GRIK2: variants seen among roughly 807,000 people sequenced by gnomAD.
GRIK2 encodes the protein glutamate receptor ionotropic, kainate 2.
GRIK2 carries 32 observed loss-of-function variants against 100.3 expected under a neutral mutation model. The observed-to-expected ratio is 0.32, with a 90% CI of 0.24 to 0.43. GRIK2 has a LOEUF of 0.43. Ranked by LOEUF, GRIK2 falls within the 20% of genes least tolerant of loss-of-function variation. The pLI is 1.00. For synonymous variants in GRIK2, 417 were observed against 389.4 expected, an observed-to-expected ratio of 1.07 and a Z score of -0.83; for missense variants, 843 against 1,114.9, an observed-to-expected ratio of 0.76 and a Z score of 3.47.
At chr6:101,817,156 A>T (rs1781685543) in intron 9 of GRIK2, among the ~76,000 whole-genome samples, 2 of 152,138 alleles carry the variant, frequency 1.3e-5, no homozygotes, top group South Asian at 4.1e-4. Flanking sequence ...TTAGTTTGGA[A>T]AGAATACTGA....
At chr6:101,857,881 A>G (rs1362564586) in intron 10 of GRIK2, among the ~76,000 whole-genome samples, 1 of 152,166 alleles carries the variant, frequency 6.6e-6, no homozygotes, top group Admixed American at 6.5e-5. Flanking sequence ...TTGTTCAACC[A>G]ACTCACTCAC....
intron 2 of GRIK2, among the ~76,000 whole-genome samples, chr6:101,448,974 T>C (rs1339193648): frequency 6.6e-6 from 1 of 151,560 alleles, no homozygotes; most frequent in Non-Finnish European, 1.5e-5. Context: ...TGAACACTAT[T>C]AAAAGATAAA....
chr6:101,583,795 G>A (rs1385404952), intron 2 of GRIK2, among the ~76,000 whole-genome samples: 2 of 152,052 alleles, frequency 1.3e-5, no homozygotes, highest in Non-Finnish European at 2.9e-5. Flanking sequence ...TTTGTTTGAT[G>A]TTGTATGTCT....
At chr6:101,548,303 C>G (rs185311760) in intron 2 of GRIK2, among the ~76,000 whole-genome samples, 405 of 152,224 alleles carry the variant, frequency 2.7e-3, no homozygotes, top group African/African-American at 8.9e-3. Context: ...TTCTTTTGCT[C>G]TGCAGAAGCT....
At chr6:101,892,699 T>C (rs1562469185) in intron 12 of GRIK2, among the ~76,000 whole-genome samples, 1 of 151,930 alleles carries the variant, frequency 6.6e-6, no homozygotes, top group Non-Finnish European at 1.5e-5. Flanking sequence ...AATTAATAGA[T>C]ATTGCATTAA....
chr6:101,512,461 T>C (rs1320990319), intron 2 of GRIK2, among the ~76,000 whole-genome samples: 1 of 152,070 alleles, frequency 6.6e-6, no homozygotes, highest in Non-Finnish European at 1.5e-5. Context: ...GGAAAATAAA[T>C]TGTTGGCTAA....
intron 2 of GRIK2, among the ~76,000 whole-genome samples, chr6:101,465,335 C>A (rs754967478): frequency 2.0e-5 from 3 of 152,148 alleles, no homozygotes; most frequent in Non-Finnish European, 2.9e-5. Context: ...GTATATATAT[C>A]ATTTAGCTCC....
At chr6:101,614,941 G>A (rs1009178693) in intron 2 of GRIK2, among the ~76,000 whole-genome samples, 1 of 151,672 alleles carries the variant, frequency 6.6e-6, no homozygotes, top group African/African-American at 2.4e-5. Flanking sequence ...GAAAGGCATT[G>A]ACTAGGCTTT....
At chr6:101,992,580 G>A (rs1344113200) in intron 14 of GRIK2, among the ~76,000 whole-genome samples, 2 of 151,558 alleles carry the variant, frequency 1.3e-5, no homozygotes, top group Non-Finnish European at 3.0e-5. Context: ...GAGGATTTTG[G>A]TAAAGACGAA....
At chr6:101,961,656 C>A (rs985733055) in intron 14 of GRIK2, among the ~76,000 whole-genome samples, 1 of 152,120 alleles carries the variant, frequency 6.6e-6, no homozygotes, top group Non-Finnish European at 1.5e-5. Flanking sequence ...AAGTGGGGAG[C>A]TCTTGTGCAG....
intron 2 of GRIK2, among the ~76,000 whole-genome samples, chr6:101,537,933 T>C (rs1775794643): frequency 6.6e-6 from 1 of 151,806 alleles, no homozygotes; most frequent in Non-Finnish European, 1.5e-5. Context: ...TTGCAAGAAG[T>C]ATTCCGAAAT....
chr6:101,950,677 CTCTATTTTTTTGTTTTTCATTTTTTT>C (rs1379851160), intron 14 of GRIK2, among the ~76,000 whole-genome samples: 1 of 152,094 alleles, frequency 6.6e-6, no homozygotes, highest in Non-Finnish European at 1.5e-5. Context: ...CAGTTGTAGC[CTCTATTTTTTTGTTTTTCATTTTTTT>C]CTTTATGTTT....
intron 2 of GRIK2, among the ~76,000 whole-genome samples, chr6:101,490,716 C>T (rs1354228525): frequency 6.8e-6 from 1 of 146,366 alleles, no homozygotes; most frequent in Non-Finnish European, 1.5e-5. Context: ...TGATATTTGG[C>T]CTGCCCTGGG....
intron 4 of GRIK2, among the ~76,000 whole-genome samples, chr6:101,663,288 C>G (rs1488773730): frequency 6.6e-6 from 1 of 152,118 alleles, no homozygotes; most frequent in Non-Finnish European, 1.5e-5. Context: ...GATTAAAGAA[C>G]AGCAGGCTAC....
chr6:101,662,698 A>G (rs2128334645), intron 4 of GRIK2, among the ~76,000 whole-genome samples: 1 of 152,098 alleles, frequency 6.6e-6, no homozygotes, highest in East Asian at 1.9e-4. Flanking sequence ...ATCCTTGTCC[A>G]CTTGCTAAAT....
chr6:102,007,866 C>G (rs896801108), intron 14 of GRIK2, among the ~76,000 whole-genome samples: 1 of 151,806 alleles, frequency 6.6e-6, no homozygotes, highest in South Asian at 2.1e-4. Context: ...ATACCTCTAT[C>G]CTTCCTAAAT....
At chr6:101,932,653 T>G (rs1341672321) in intron 14 of GRIK2, among the ~76,000 whole-genome samples, 1 of 151,920 alleles carries the variant, frequency 6.6e-6, no homozygotes, top group East Asian at 1.9e-4. Context: ...CCTGTATGTT[T>G]CCATACTCTA....
intron 12 of GRIK2, among the ~76,000 whole-genome samples, chr6:101,922,607 T>G (rs1355639841): frequency 6.6e-6 from 1 of 152,228 alleles, no homozygotes; most frequent in East Asian, 1.9e-4. Flanking sequence ...ATTTGCCACC[T>G]GCTGGCACTA....
At chr6:101,839,646 C>T (rs1783373611) in intron 10 of GRIK2, among the ~76,000 whole-genome samples, 1 of 151,906 alleles carries the variant, frequency 6.6e-6, no homozygotes, top group Admixed American at 6.6e-5. Context: ...TTGGTGAGAA[C>T]AGCCAAAAAA....
Sources: gnomAD v4.1 joint callset for allele counts (sites outside exome capture counted in the v4.1 genomes callset) on GRCh38, gnomAD v4.1.1 for gene constraint, MANE v1.5 for transcripts, NCBI Gene and HGNC (gene_info 2026-07-23, HGNC 2026-07-21) for gene names.